Variants in UBE2E3 observed in about 807,000 individuals in gnomAD.
The protein encoded by UBE2E3 is ubiquitin-conjugating enzyme E2 E3.
A neutral mutation model predicts 23.6 loss-of-function variants in UBE2E3; 5 were observed. The ratio of observed to expected loss-of-function variants is 0.21; its 90% CI spans 0.11 to 0.44. The LOEUF (loss-of-function observed/expected upper bound fraction) is 0.44. Among genes scored for constraint, UBE2E3 ranks in the 20% least tolerant of loss-of-function variants. The pLI is 0.99. For missense variants in UBE2E3, 81 were observed against 249.8 expected (o/e 0.32, Z 4.55); for synonymous variants, 78 against 87.5 (o/e 0.89, Z 0.60).
intron 3 of UBE2E3, among the ~76,000 whole-genome samples, chr2:181,020,229 T>C (rs553807145): frequency 2.6e-5 from 4 of 152,288 alleles, no homozygotes; most frequent in Middle Eastern, 3.4e-3. Context: ...CTCTGAAATC[T>C]GTAGGGGGAG....
intron 3 of UBE2E3, among the ~76,000 whole-genome samples, chr2:180,993,016 C>T (rs183389248): frequency 6.6e-6 from 1 of 152,266 alleles, no homozygotes; most frequent in East Asian, 1.9e-4. Flanking sequence ...TTTTATGAAT[C>T]AAATATGTGC....
chr2:181,008,309 T>G (rs1156998062), intron 3 of UBE2E3, among the ~76,000 whole-genome samples: 1 of 152,206 alleles, frequency 6.6e-6, no homozygotes, highest in Non-Finnish European at 1.5e-5. Context: ...AAAGCAGCCT[T>G]ATGAATGTTA....
At chr2:181,006,219 A>G (rs562418947) in intron 3 of UBE2E3, among the ~76,000 whole-genome samples, 1 of 152,160 alleles carries the variant, frequency 6.6e-6, no homozygotes, top group Non-Finnish European at 1.5e-5. Context: ...AGAATTGAGC[A>G]CAAATAGTAC....
chr2:181,041,811 T>G (rs1026238656), intron 3 of UBE2E3, among the ~76,000 whole-genome samples: 1 of 152,180 alleles, frequency 6.6e-6, no homozygotes, highest in African/African-American at 2.4e-5. Context: ...GTGAATTGAA[T>G]GACAACCAAA....
intron 3 of UBE2E3, among the ~76,000 whole-genome samples, chr2:181,007,825 C>A (rs1000638297): frequency 5.3e-5 from 8 of 152,068 alleles, no homozygotes; most frequent in African/African-American, 1.9e-4. Flanking sequence ...TCGAACACTT[C>A]AAATATGGCT....
intron 3 of UBE2E3, among the ~76,000 whole-genome samples, chr2:181,043,190 T>A (rs1388936393): frequency 6.6e-6 from 1 of 152,198 alleles, no homozygotes; most frequent in Non-Finnish European, 1.5e-5. Context: ...ATGCTACGAG[T>A]TAACCTGAAC....
intron 3 of UBE2E3, among the ~76,000 whole-genome samples, chr2:180,994,277 G>A (rs1457323058): frequency 6.6e-6 from 1 of 152,050 alleles, no homozygotes; most frequent in Non-Finnish European, 1.5e-5. Flanking sequence ...TGGAGAACTT[G>A]AAACATATGC....
rs577818452 is a variant in UBE2E3, at chr2:181,020,573, T to A, written c.245+36480T>A. Reference sequence around the variant, plus strand: ...AAACTAGAATTATTTCCTTTGTTTTTAATTCATAGTCATTTCAATAATACC... The same window carrying A: ...AAACTAGAATTATTTCCTTTGTTTTAAATTCATAGTCATTTCAATAATACC... On this transcript the variant is annotated intron_variant, in intron 3 of 5. Transcript: ENST00000410062. 7.2e-5 allele frequency among the ~76,000 whole-genome samples: 11 copies of A among 152,350 alleles called. No homozygotes were observed. The South Asian group carries it at 1.7e-3, about 23-fold the overall frequency.
At chr2:181,022,985 T>C (rs2105630122) in intron 3 of UBE2E3, among the ~76,000 whole-genome samples, 1 of 152,366 alleles carries the variant, frequency 6.6e-6, no homozygotes, top group Middle Eastern at 3.4e-3. Context: ...ATAAACCAGA[T>C]AGTCCCCGAC....
At chr2:180,991,383 C>T (rs889116090) in intron 3 of UBE2E3, among the ~76,000 whole-genome samples, 7 of 152,152 alleles carry the variant, frequency 4.6e-5, no homozygotes, top group African/African-American at 1.7e-4. Context: ...AACAACTTCC[C>T]ATTGGCATAT....
chr2:181,060,514 C>T (rs1687115441), intron 4 of UBE2E3, 151 bp from the exon 5 acceptor site: 1 of 876,978 alleles, frequency 1.1e-6, no homozygotes, highest in Admixed American at 3.8e-5. Context: ...GAGTCAAAAG[C>T]ATTTAATTTT....
At chr2:180,987,200 T>C in intron 3 of UBE2E3, 1 of 950,124 alleles carries the variant, frequency 1.1e-6, no homozygotes, top group South Asian at 1.7e-5. Flanking sequence ...TTACATAAAG[T>C]ATAAATAATT....
At chr2:181,004,872 A>G (rs1468219327) in intron 3 of UBE2E3, among the ~76,000 whole-genome samples, 2 of 152,200 alleles carry the variant, frequency 1.3e-5, no homozygotes, top group African/African-American at 4.8e-5. Flanking sequence ...TTTGAATGCT[A>G]GTGTTTGTAT....
intron 2 of UBE2E3, among the ~76,000 whole-genome samples, chr2:180,983,283 T>TTTTGAA (rs1186902042): frequency 2.6e-5 from 4 of 152,228 alleles, no homozygotes; most frequent in Non-Finnish European, 5.9e-5. Flanking sequence ...TTGATAATAT[T>TTTTGAA]TTTGAATGGC....
intron 3 of UBE2E3, among the ~76,000 whole-genome samples, chr2:181,038,325 A>G (rs1489817368): frequency 6.6e-6 from 1 of 152,202 alleles, no homozygotes; most frequent in African/African-American, 2.4e-5. Context: ...TATACCATAT[A>G]ACCTAAGTGT....
At chr2:180,999,426 G>A (rs1056829712) in intron 3 of UBE2E3, among the ~76,000 whole-genome samples, 4 of 152,088 alleles carry the variant, frequency 2.6e-5, no homozygotes, top group Non-Finnish European at 4.4e-5. Context: ...GTTTGAATAC[G>A]TGGTTTTATT....
At chr2:180,991,752 A>C (rs1684665429) in intron 3 of UBE2E3, among the ~76,000 whole-genome samples, 1 of 152,176 alleles carries the variant, frequency 6.6e-6, no homozygotes, top group African/African-American at 2.4e-5. Flanking sequence ...GGGAAACCAA[A>C]AGATTGGACA....
intron 3 of UBE2E3, among the ~76,000 whole-genome samples, chr2:181,038,428 CTTG>C (rs1240032892): frequency 6.6e-6 from 1 of 152,128 alleles, no homozygotes; most frequent in East Asian, 1.9e-4. Context: ...AGGTCATATT[CTTG>C]TTGTTAAACA....
chr2:181,058,139 C>T (rs1687037603), intron 4 of UBE2E3, among the ~76,000 whole-genome samples: 1 of 151,326 alleles, frequency 6.6e-6, no homozygotes, highest in African/African-American at 2.4e-5. Context: ...TTAATAATAC[C>T]TTAATTAACT....
Sources: allele counts gnomAD v4.1 joint callset (sites outside exome capture counted in the v4.1 genomes callset), GRCh38; gene constraint gnomAD v4.1.1; transcripts MANE v1.5; gene names NCBI Gene and HGNC (gene_info 2026-07-23, HGNC 2026-07-21).